The following CCNB3 variants were observed in gnomAD, a reference collection of about 807,000 sequenced individuals.
CCNB3 encodes the protein G2/mitotic-specific cyclin-B3.
Under a neutral mutation model 68.0 loss-of-function variants are expected in CCNB3, and 12 were observed. The ratio of observed to expected loss-of-function variants is 0.18; its 90% CI spans 0.11 to 0.29. The LOEUF (loss-of-function observed/expected upper bound fraction) is 0.29. Among genes scored for constraint, CCNB3 ranks in the 10% least tolerant of loss-of-function variants. The pLI is 1.00. For synonymous variants in CCNB3, 354 were observed against 388.9 expected, an observed-to-expected ratio of 0.91 and a Z score of 1.06; for missense variants, 904 against 993.1, an observed-to-expected ratio of 0.91 and a Z score of 1.21.
intron 6 of CCNB3, 82 bp downstream of exon 6, chrX:50,311,578 T>G (rs192481077): frequency 0.052 from 40,022 of 769,703 alleles, 1,006 homozygotes; most frequent in Non-Finnish European, 0.063. Context: ...TTGTTTTTTT[T>G]TTTTTGTTTT....
At chrX:50,344,285 C>A (rs1436944668) in intron 9 of CCNB3, among the ~76,000 whole-genome samples, 1 of 112,393 alleles carries the variant, frequency 8.9e-6, no homozygotes, top group African/African-American at 3.2e-5. Flanking sequence ...TGATGCATTT[C>A]TCTTAACATA....
At position 50,226,322 on chromosome X, in the gene CCNB3, A is replaced by C. The variant is rs1935793350; in HGVS notation, c.-113+21372A>C. Among the ~76,000 whole-genome samples the C allele has an allele frequency of 2.5e-4, 15 of 59,185 alleles. 1 individual carries two copies. The South Asian group carries it at 0.017, about 68-fold the overall frequency. The allele number at this position is 59,185 out of a possible 115,157, so 51.4% of individuals were successfully genotyped here. On this transcript the variant is annotated intron_variant, in intron 1 of 12. Transcript: ENST00000376042. Reference sequence around the variant, plus strand: ...TATATATAGAAATATATAAACATATATATAGAAATATATATATAGAATATA... The same window carrying C: ...TATATATAGAAATATATAAACATATCTATAGAAATATATATATAGAATATA...
chrX:50,217,159 CTT>C lies in CCNB3; in HGVS notation c.-113+12217_-113+12218del, dbSNP rs1244057329. ...TGTTTTAAGATTCCTTCTTTTGTAC[CTT>C]TTTTTTTAATTTGTAAATTTTCTAT... is the stretch of plus-strand genomic sequence containing the variant. On this transcript the variant is annotated intron_variant, in intron 1 of 12. Coordinates refer to ENST00000376042, the MANE Select transcript of CCNB3 (RefSeq NM_033031.3). Among the ~76,000 whole-genome samples, 90 of 105,325 alleles carry C rather than the reference CTT, an allele frequency of 8.5e-4. 3 individuals are homozygous for C. The Admixed American group carries it at 8.9e-3, about 10-fold the overall frequency. 91.5% of individuals were successfully genotyped at this position (105,325 alleles called of 115,157 possible).
intron 1 of CCNB3, among the ~76,000 whole-genome samples, chrX:50,226,151 T>C (rs1321939895): frequency 1.3e-5 from 1 of 75,152 alleles, no homozygotes; most frequent in Non-Finnish European, 2.3e-5. Flanking sequence ...ATATTCTATA[T>C]ATATGAATAT....
At chrX:50,223,124 G>A (rs1210497103) in intron 1 of CCNB3, among the ~76,000 whole-genome samples, 1 of 110,676 alleles carries the variant, frequency 9.0e-6, no homozygotes, top group Non-Finnish European at 1.9e-5. Flanking sequence ...GGTCATTTAT[G>A]TTCTTCTCTA....
chrX:50,300,128 T>G (rs972015955), intron 5 of CCNB3, among the ~76,000 whole-genome samples: 3 of 111,826 alleles, frequency 2.7e-5, no homozygotes, highest in Non-Finnish European at 5.6e-5. Context: ...ATTTACCCCA[T>G]TTACATTTAA....
chrX:50,227,529 A>T (rs1041979265), intron 1 of CCNB3, among the ~76,000 whole-genome samples: 11 of 89,209 alleles, frequency 1.2e-4, no homozygotes, highest in Non-Finnish European at 2.1e-5. Flanking sequence ...ATATGGAGAG[A>T]ATATATATAA....
At chrX:50,306,448 A>G (rs1180190779) in intron 5 of CCNB3, among the ~76,000 whole-genome samples, 1 of 111,680 alleles carries the variant, frequency 9.0e-6, no homozygotes, top group African/African-American at 3.3e-5. Flanking sequence ...TCCAAACTGG[A>G]TGACTTTTAT....
intron 1 of CCNB3, among the ~76,000 whole-genome samples, chrX:50,228,060 G>C (rs1486240863): frequency 1.3e-5 from 1 of 77,279 alleles, no homozygotes; most frequent in Admixed American, 1.8e-4. Flanking sequence ...TAAATATATG[G>C]AGAGAATATA....
chrX:50,283,969 G>A (rs908317933), intron 1 of CCNB3, among the ~76,000 whole-genome samples: 1 of 108,258 alleles, frequency 9.2e-6, no homozygotes, highest in Non-Finnish European at 1.9e-5. Flanking sequence ...CTTGAACAAA[G>A]TCTATAAAAG....
At chrX:50,209,528 G>A in intron 1 of CCNB3, among the ~76,000 whole-genome samples, 1 of 111,106 alleles carries the variant, frequency 9.0e-6, no homozygotes, top group Middle Eastern at 4.6e-3. Context: ...GCTAATTTTT[G>A]TATTTTTAGT....
intron 9 of CCNB3, 71 bp downstream of exon 9, chrX:50,342,410 CATATAT>C: frequency 1.1e-6 from 1 of 943,869 alleles, no homozygotes; most frequent in Non-Finnish European, 1.5e-6. Context: ...AATATATATT[CATATAT>C]ATTCATTGTT....
At chrX:50,217,290 T>C (rs1195879030) in intron 1 of CCNB3, among the ~76,000 whole-genome samples, 4 of 89,117 alleles carry the variant, frequency 4.5e-5, no homozygotes, top group Non-Finnish European at 8.4e-5. Flanking sequence ...TTTTTTTTTT[T>C]TGAGACGGAG....
intron 8 of CCNB3, among the ~76,000 whole-genome samples, chrX:50,331,548 G>A (rs1042625633): frequency 6.3e-5 from 7 of 111,339 alleles, no homozygotes; most frequent in South Asian, 7.7e-4. Flanking sequence ...CTTCTGAGCC[G>A]GGAATTAATC....
chrX:50,286,247 A>C (rs1936230426), intron 3 of CCNB3, among the ~76,000 whole-genome samples: 1 of 112,546 alleles, frequency 8.9e-6, no homozygotes, highest in Non-Finnish European at 1.9e-5. Flanking sequence ...AAAGACTAAT[A>C]GCTTACTTAT....
chrX:50,280,295 G>C (rs1208080719), intron 1 of CCNB3, among the ~76,000 whole-genome samples: 6 of 88,232 alleles, frequency 6.8e-5, no homozygotes, highest in Non-Finnish European at 1.1e-4. Flanking sequence ...ATAGAATATA[G>C]ATATAAATAT....
chrX:50,227,903 G>A lies in CCNB3; in HGVS notation c.-113+22953G>A, dbSNP rs1202090080. Among the ~76,000 whole-genome samples, 3 of 77,481 alleles carry A rather than the reference G, an allele frequency of 3.9e-5. No individual in the cohort carries two copies. The East Asian group carries it at 1.1e-3, about 28-fold the overall frequency. 67.3% of individuals were successfully genotyped at this position (77,481 alleles called of 115,157 possible). On this transcript the variant is annotated intron_variant, in intron 1 of 12. Coordinates refer to ENST00000376042, the MANE Select transcript of CCNB3 (RefSeq NM_033031.3). Reference sequence around the variant, plus strand: ...TAGAGAGAAAATATATAAATATATAGAGAGAATATATATAAATGTATAGAC... The same window carrying A: ...TAGAGAGAAAATATATAAATATATAAAGAGAATATATATAAATGTATAGAC...
chrX:50,323,010 G>A (rs1922107278), intron 8 of CCNB3, among the ~76,000 whole-genome samples: 1 of 111,802 alleles, frequency 8.9e-6, no homozygotes, highest in African/African-American at 3.3e-5. Context: ...AGACAGTGTG[G>A]CGATTCCTCA....
chrX:50,227,038 G>T, intron 1 of CCNB3, among the ~76,000 whole-genome samples: 1 of 72,257 alleles, frequency 1.4e-5, no homozygotes, highest in Non-Finnish European at 2.4e-5. Flanking sequence ...CAAATATATA[G>T]AATATATACA....
Sources: gnomAD v4.1 joint callset for allele counts (sites outside exome capture counted in the v4.1 genomes callset) on GRCh38, gnomAD v4.1.1 for gene constraint, MANE v1.5 for transcripts, NCBI Gene and HGNC (gene_info 2026-07-23, HGNC 2026-07-21) for gene names.